Variants in ADAM23 observed in about 807,000 individuals in gnomAD.
ADAM23 encodes disintegrin and metalloproteinase domain-containing protein 23.
A neutral mutation model predicts 120.1 loss-of-function variants in ADAM23; 33 were observed. The ratio of observed to expected loss-of-function variants is 0.27; its 90% CI spans 0.21 to 0.37. The LOEUF (loss-of-function observed/expected upper bound fraction) is 0.37, where lower values mean the gene tolerates loss of function less well. Ranked by LOEUF, ADAM23 falls within the 10% of genes least tolerant of loss-of-function variation. ADAM23 has a pLI of 1.00. For synonymous variants in ADAM23, 367 were observed against 375.2 expected, an observed-to-expected ratio of 0.98 and a Z score of 0.25; for missense variants, 862 against 1,058.2, an observed-to-expected ratio of 0.81 and a Z score of 2.57.
intron 2 of ADAM23, among the ~76,000 whole-genome samples, chr2:206,468,623 T>G (rs1431185314): frequency 6.6e-6 from 1 of 152,214 alleles, no homozygotes; most frequent in Non-Finnish European, 1.5e-5. Flanking sequence ...TTCCCCCATC[T>G]TCTGTCTTCT....
chr2:206,485,088 G>T (rs908602665), intron 3 of ADAM23, among the ~76,000 whole-genome samples: 3 of 152,126 alleles, frequency 2.0e-5, no homozygotes, highest in African/African-American at 4.8e-5. Flanking sequence ...GCATGAGAAT[G>T]GACTAATGTA....
At chr2:206,508,416 G>C (rs1244895044) in intron 3 of ADAM23, among the ~76,000 whole-genome samples, 2 of 152,124 alleles carry the variant, frequency 1.3e-5, no homozygotes, top group Non-Finnish European at 2.9e-5. Context: ...AGAACTTTGG[G>C]AGGCAGAGGC....
chr2:206,550,871 G>A (rs1697510810), intron 9 of ADAM23, among the ~76,000 whole-genome samples: 1 of 152,202 alleles, frequency 6.6e-6, no homozygotes, highest in Admixed American at 6.5e-5. Context: ...AAAGTGCTGG[G>A]ATTACAGGCG....
intron 3 of ADAM23, among the ~76,000 whole-genome samples, chr2:206,508,118 C>T (rs1696534047): frequency 6.6e-6 from 1 of 152,170 alleles, no homozygotes; most frequent in African/African-American, 2.4e-5. Context: ...CAAGCCCCAC[C>T]TCCCAGGTTC....
In ADAM23 at chr2:206,557,416, T is replaced by C. The variant is rs371482735; in HGVS notation, c.934-11T>C. ...TGATTTGGCAGTGACTGGTATGTAT[T>C]TCCCCCCTAGTATAAGAAGCATCGC... On this transcript the variant is annotated splice_polypyrimidine_tract_variant and intron_variant, in intron 9 of 25. Coordinates refer to ENST00000264377, the MANE Select transcript of ADAM23 (RefSeq NM_003812.4). 3.7e-6 allele frequency: 6 copies of C among 1,609,532 alleles called. No individual in the cohort carries two copies. The highest frequency in any genetic ancestry group is 4.3e-6 in the Non-Finnish European group (5 of 1,175,892).
intron 18 of ADAM23, among the ~76,000 whole-genome samples, chr2:206,576,435 G>A (rs1054520848): frequency 4.0e-5 from 6 of 151,726 alleles, no homozygotes; most frequent in Non-Finnish European, 8.8e-5. Context: ...TCTTTTTATA[G>A]CATGTGTCTA....
In ADAM23 at chr2:206,609,001, A is replaced by G. The variant is rs115421745; in HGVS notation, c.2360-909A>G. On this transcript the variant is annotated intron_variant, in intron 24 of 25. Coordinates refer to ENST00000264377, the MANE Select transcript of ADAM23 (RefSeq NM_003812.4). ...TCCTGAAGGATGGGATATGTAAAGT[A>G]ATTATTATACTAGGTTTAACGTTGC... Among the ~76,000 whole-genome samples the G allele has an allele frequency of 3.4e-3, 524 of 152,322 alleles. 1 individual carries two copies. The highest frequency in any genetic ancestry group is 6.1e-3 in the Non-Finnish European group (414 of 68,034).
intron 25 of ADAM23, among the ~76,000 whole-genome samples, chr2:206,616,269 A>C (rs1315435853): frequency 6.6e-6 from 1 of 152,230 alleles, no homozygotes; most frequent in East Asian, 1.9e-4. Context: ...CTTGGGCAGC[A>C]TCAGCAGTGC....
chr2:206,493,394 C>T (rs546179535), intron 3 of ADAM23, among the ~76,000 whole-genome samples: 17 of 152,098 alleles, frequency 1.1e-4, no homozygotes, highest in South Asian at 4.2e-4. Flanking sequence ...TTTTTTGAGA[C>T]GGAGTTTCGC....
chr2:206,593,960 A>G (rs1428913376), intron 22 of ADAM23, among the ~76,000 whole-genome samples: 1 of 151,352 alleles, frequency 6.6e-6, no homozygotes, highest in African/African-American at 2.4e-5. Flanking sequence ...CTAAACATAG[A>G]AAAGTCATAC....
At chr2:206,581,317 TTGTC>T (rs1698215298) in intron 18 of ADAM23, among the ~76,000 whole-genome samples, 1 of 152,228 alleles carries the variant, frequency 6.6e-6, no homozygotes, top group South Asian at 2.1e-4. Flanking sequence ...TGACCTCAGA[TTGTC>T]TGTCTGTGCT....
chr2:206,586,905 G>C (rs1698332456), intron 18 of ADAM23, among the ~76,000 whole-genome samples: 1 of 152,180 alleles, frequency 6.6e-6, no homozygotes, highest in Non-Finnish European at 1.5e-5. Context: ...GTAGCCTATA[G>C]GTAAAATGTC....
rs138137183 is a variant in ADAM23 at position 206,472,597 on chromosome 2, C to T, written c.433-8635C>T. 2.8e-3 allele frequency among the ~76,000 whole-genome samples: 377 copies of T among 136,868 alleles called. 2 individuals carry two copies. Among genetic ancestry groups the T allele is most frequent in the Non-Finnish European group, 4.8e-3 (312 of 64,770 alleles). 89.8% of individuals were successfully genotyped at this position (136,868 alleles called of 152,430 possible). Reference sequence around the variant, plus strand: ...CTGTGCTCCAGCCTGGATGACAAAGCGAGACTCCATCTCAGGGGAAAAAAA... The same window carrying T: ...CTGTGCTCCAGCCTGGATGACAAAGTGAGACTCCATCTCAGGGGAAAAAAA... On this transcript the variant is annotated intron_variant, in intron 2 of 25. Transcript: ENST00000264377.
intron 3 of ADAM23, among the ~76,000 whole-genome samples, chr2:206,499,475 AC>A: frequency 7.7e-6 from 1 of 130,114 alleles, no homozygotes; most frequent in East Asian, 2.7e-4. Flanking sequence ...GAGGAACATC[AC>A]ACACCAGGGA....
chr2:206,562,914 G>T (rs1005790976), intron 13 of ADAM23, among the ~76,000 whole-genome samples: 1 of 152,154 alleles, frequency 6.6e-6, no homozygotes, highest in Non-Finnish European at 1.5e-5. Context: ...ACTGTTAGGC[G>T]TCATTTTTTC....
intron 25 of ADAM23, among the ~76,000 whole-genome samples, chr2:206,612,386 G>A (rs1698842977): frequency 6.6e-6 from 1 of 152,198 alleles, no homozygotes; most frequent in Non-Finnish European, 1.5e-5. Context: ...TGAGTTCAAT[G>A]TAAATGTTTA....
intron 22 of ADAM23, among the ~76,000 whole-genome samples, chr2:206,593,889 G>A (rs762562928): frequency 6.6e-6 from 1 of 151,640 alleles, no homozygotes; most frequent in Non-Finnish European, 1.5e-5. Flanking sequence ...TGTCATATAT[G>A]TGGTCTGTCA....
chr2:206,489,699 G>A (rs1404227412), intron 3 of ADAM23, among the ~76,000 whole-genome samples: 2 of 152,160 alleles, frequency 1.3e-5, no homozygotes, highest in Non-Finnish European at 2.9e-5. Flanking sequence ...GCGGGCTGGC[G>A]AGATTCAGTC....
intron 2 of ADAM23, among the ~76,000 whole-genome samples, chr2:206,447,185 G>A (rs1027528990): frequency 1.2e-4 from 18 of 152,158 alleles, no homozygotes; most frequent in Middle Eastern, 3.2e-3. Context: ...TGGTTTGACT[G>A]TAATATACCT....
Sources: gnomAD v4.1 joint callset for allele counts (sites outside exome capture counted in the v4.1 genomes callset) on GRCh38, gnomAD v4.1.1 for gene constraint, MANE v1.5 for transcripts, NCBI Gene and HGNC (gene_info 2026-07-23, HGNC 2026-07-21) for gene names.